The following LRP1B variants were observed in gnomAD, a reference collection of about 807,000 sequenced individuals.
LRP1B encodes LDL receptor related protein 1B, also known as low-density lipoprotein receptor-related protein 1B.
A neutral mutation model predicts 556.6 loss-of-function variants in LRP1B; 217 were observed. The ratio of observed to expected loss-of-function variants is 0.39; its 90% confidence interval spans 0.35 to 0.44. The LOEUF (loss-of-function observed/expected upper bound fraction) is 0.44, where lower values mean the gene tolerates loss of function less well. Among genes scored for constraint, LRP1B ranks in the 20% least tolerant of loss-of-function variants. The pLI is 1.00. For missense variants in LRP1B, 5,053 were observed against 5,620.8 expected (o/e 0.90, Z 3.23); for synonymous variants, 2,047 against 1,865.8 (o/e 1.10, Z -2.50).
At chr2:140,674,377 A>G (rs974814487) in intron 41 of LRP1B, among the ~76,000 whole-genome samples, 1 of 152,204 alleles carries the variant, frequency 6.6e-6, no homozygotes, top group Non-Finnish European at 1.5e-5. Context: ...AGGTCTGAAT[A>G]GGACATATTT....
intron 1 of LRP1B, among the ~76,000 whole-genome samples, chr2:142,061,348 G>A (rs894127043): frequency 7.9e-5 from 12 of 151,970 alleles, no homozygotes; most frequent in Non-Finnish European, 1.6e-4. Flanking sequence ...CCTATAAAAT[G>A]TGTACATTAA....
chr2:140,506,754 T>G, intron 53 of LRP1B, 42 bp downstream of exon 53: 2 of 1,587,160 alleles, frequency 1.3e-6, no homozygotes, highest in Non-Finnish European at 1.7e-6. Context: ...TGAAAGACTC[T>G]TAGCCTAGGA....
intron 1 of LRP1B, among the ~76,000 whole-genome samples, chr2:142,125,981 T>C (rs1478027564): frequency 6.6e-6 from 1 of 151,916 alleles, no homozygotes; most frequent in East Asian, 1.9e-4. Flanking sequence ...AAGGTAGACA[T>C]AGATATTTTC....
intron 3 of LRP1B, among the ~76,000 whole-genome samples, chr2:141,291,141 T>G (rs1685930807): frequency 1.3e-5 from 2 of 152,180 alleles, no homozygotes; most frequent in Non-Finnish European, 2.9e-5. Context: ...AGATATTTCT[T>G]GCCTCAGCCA....
At chr2:140,866,391 T>C (rs1692951852) in intron 27 of LRP1B, among the ~76,000 whole-genome samples, 1 of 152,202 alleles carries the variant, frequency 6.6e-6, no homozygotes, top group Admixed American at 6.6e-5. Context: ...TAAATCATTA[T>C]TAAATGCAAA....
chr2:141,833,944 G>A (rs918170610), intron 1 of LRP1B, among the ~76,000 whole-genome samples: 1 of 144,236 alleles, frequency 6.9e-6, no homozygotes, highest in Non-Finnish European at 1.5e-5. Context: ...GATGGAAGAG[G>A]CAAAACTTAC....
At chr2:141,348,276 G>A (rs1688323880) in intron 3 of LRP1B, among the ~76,000 whole-genome samples, 1 of 151,918 alleles carries the variant, frequency 6.6e-6, no homozygotes, top group South Asian at 2.1e-4. Flanking sequence ...GTGGAAGAAG[G>A]GGAACTTAGA....
intron 1 of LRP1B, among the ~76,000 whole-genome samples, chr2:142,034,096 T>A (rs1261306959): frequency 6.6e-6 from 1 of 151,748 alleles, no homozygotes; most frequent in African/African-American, 2.4e-5. Flanking sequence ...TGATTCAACA[T>A]GCAAAACATC....
rs375006202 is a variant in LRP1B at position 140,514,938 on chromosome 2, T to C, written c.8150-166A>G. On this transcript the variant is annotated intron_variant, in intron 50 of 90. Coordinates refer to ENST00000389484, the MANE Select transcript of LRP1B (RefSeq NM_018557.3). ...AATTCTATAAAATTTTGGCATCAGC[T>C]TGCATATTCCCTCTGTGTTTCCAGG... 3.3e-5 allele frequency among the ~76,000 whole-genome samples: 5 copies of C among 151,978 alleles called. No homozygotes were observed. In the East Asian group the frequency reaches 9.6e-4, roughly 29 times the overall value.
chr2:140,373,447 T>C (rs965424241), intron 68 of LRP1B, among the ~76,000 whole-genome samples: 1 of 152,170 alleles, frequency 6.6e-6, no homozygotes, highest in African/African-American at 2.4e-5. Flanking sequence ...AACAATTTTC[T>C]ACTTTCATTT....
At chr2:140,509,027 TTTC>T (rs1689535703) in intron 52 of LRP1B, among the ~76,000 whole-genome samples, 1 of 150,426 alleles carries the variant, frequency 6.6e-6, no homozygotes, top group Non-Finnish European at 1.5e-5. Flanking sequence ...TCTTTTTTCT[TTTC>T]TACTTTAACT....
intron 2 of LRP1B, among the ~76,000 whole-genome samples, chr2:141,566,447 T>A (rs1218041078): frequency 6.6e-6 from 1 of 152,154 alleles, no homozygotes; most frequent in African/African-American, 2.4e-5. Flanking sequence ...AAGAATTGTA[T>A]AATTTTCCAT....
chr2:141,491,967 G>A lies in LRP1B; in HGVS notation c.206-11434C>T, dbSNP rs191574527. 3.6e-3 allele frequency among the ~76,000 whole-genome samples: 542 copies of A among 151,806 alleles called. 4 individuals carry two copies. Among genetic ancestry groups the A allele is most frequent in the Non-Finnish European group, 4.0e-3 (274 of 67,950 alleles). Reference sequence around the variant, plus strand: ...AACCAAAGGCATGCTAATGTCAGCTGGTTAGTGGAAGAAAGGGTTTTGGTG... The same window carrying A: ...AACCAAAGGCATGCTAATGTCAGCTAGTTAGTGGAAGAAAGGGTTTTGGTG... On this transcript the variant is annotated intron_variant, in intron 2 of 90. Coordinates refer to ENST00000389484, the MANE Select transcript of LRP1B (RefSeq NM_018557.3).
chr2:140,580,219 C>T (rs1202817443), intron 43 of LRP1B, among the ~76,000 whole-genome samples: 1 of 152,148 alleles, frequency 6.6e-6, no homozygotes, highest in Non-Finnish European at 1.5e-5. Flanking sequence ...TGAGTAATAT[C>T]TTAGACCAGT....
At chr2:141,572,291 A>G (rs1327364906) in intron 2 of LRP1B, among the ~76,000 whole-genome samples, 1 of 152,190 alleles carries the variant, frequency 6.6e-6, no homozygotes, top group African/African-American at 2.4e-5. Context: ...ATTCTTAAAG[A>G]AAAAAATTTC....
intron 7 of LRP1B, among the ~76,000 whole-genome samples, chr2:141,181,916 T>C (rs1681015812): frequency 1.3e-5 from 2 of 151,992 alleles, no homozygotes; most frequent in African/African-American, 4.8e-5. Flanking sequence ...GACATGAATT[T>C]ATACCTTTGA....
At chr2:141,731,934 G>C (rs1461940859) in intron 2 of LRP1B, among the ~76,000 whole-genome samples, 3 of 152,010 alleles carry the variant, frequency 2.0e-5, no homozygotes, top group Non-Finnish European at 4.4e-5. Context: ...CCTTTTGAAG[G>C]ATTCTCTATT....
In LRP1B at chr2:140,908,365, A is replaced by AATAT. The variant is rs71834225; in HGVS notation, c.3320-292_3320-289dup. On this transcript the variant is annotated intron_variant, in intron 21 of 90. Coordinates refer to ENST00000389484, the MANE Select transcript of LRP1B (RefSeq NM_018557.3). ...TATATACATATATTTATATTTATAT[A>AATAT]ATATATATATATATATATATATATA... 1.8e-3 allele frequency among the ~76,000 whole-genome samples: 252 copies of AATAT among 140,986 alleles called. 2 individuals carry two copies. The highest frequency in any genetic ancestry group is 4.2e-3 in the African/African-American group (159 of 37,922). The allele number at this position is 140,986 out of a possible 152,430, so 92.5% of individuals were successfully genotyped here.
At chr2:141,875,321 T>C (rs1698722754) in intron 1 of LRP1B, among the ~76,000 whole-genome samples, 1 of 151,824 alleles carries the variant, frequency 6.6e-6, no homozygotes, top group African/African-American at 2.4e-5. Flanking sequence ...ACAGCCAATA[T>C]TTATCATATA....
Sources: allele counts gnomAD v4.1 joint callset (sites outside exome capture counted in the v4.1 genomes callset), GRCh38; gene constraint gnomAD v4.1.1; transcripts MANE v1.5; gene names NCBI Gene and HGNC (gene_info 2026-07-23, HGNC 2026-07-21).